Variants in TIMM44 observed in about 807,000 individuals in gnomAD.
TIMM44 encodes the protein mitochondrial import inner membrane translocase subunit TIM44.
TIMM44 carries 37 observed loss-of-function variants against 63.8 expected under a neutral mutation model. The observed-to-expected ratio is 0.58, with a 90% CI of 0.45 to 0.76. The LOEUF (loss-of-function observed/expected upper bound fraction) is 0.76, where lower values mean the gene tolerates loss of function less well. Among genes scored for constraint, TIMM44 ranks in the 30% least tolerant of loss-of-function variants. The pLI is 0.00. For missense variants in TIMM44, 573 were observed against 603.8 expected (o/e 0.95, Z 0.54); for synonymous variants, 239 against 245.1 (o/e 0.98, Z 0.23).
intron 2 of TIMM44, among the ~76,000 whole-genome samples, chr19:7,940,470 A>T (rs1195177575): frequency 2.6e-5 from 4 of 152,072 alleles, no homozygotes; most frequent in Non-Finnish European, 5.9e-5. Context: ...AAAGAGTCAC[A>T]GGTCCTGTCC....
At chr19:7,931,552 C>G (rs1419572307) in intron 9 of TIMM44, 1 of 331,960 alleles carries the variant, frequency 3.0e-6, no homozygotes, top group Non-Finnish European at 5.8e-6. Context: ...CTCCGGCTCC[C>G]GCAGTGAGCC....
rs376804397 is a variant in TIMM44, at chr19:7,932,898, G to A, written c.804C>T (p.Ser268=). 2.9e-4 allele frequency: 473 copies of A among 1,614,076 alleles called. No homozygotes were observed. The highest frequency in any genetic ancestry group is 3.9e-4 in the Non-Finnish European group (456 of 1,180,030). Residue 268 remains serine (S), a synonymous_variant, in exon 8 of 13, where the codon AGC becomes AGT. Transcript: ENST00000270538. ...FFEMKMKYDE[S]DNAFIRASRA... ...GGGATGCCCGGATGAACGCGTTGTC[G>A]CTTTCGTCATACTTCATCTTCATCT...
chr19:7,932,430 G>T, intron 9 of TIMM44, 197 bp downstream of exon 9: 1 of 681,354 alleles, frequency 1.5e-6, no homozygotes, highest in Non-Finnish European at 2.4e-6. Context: ...GGAGGTGCCG[G>T]TAAGGCCCAG....
rs1371785860 is a variant in TIMM44 at position 7,927,987 on chromosome 19, C to G, written c.1128+90G>C. 7 of 1,331,454 alleles carry G rather than the reference C, an allele frequency of 5.3e-6. No homozygotes were observed. The African/African-American group carries it at 7.3e-5, about 14-fold the overall frequency. 82.5% of individuals were successfully genotyped at this position (1,331,454 alleles called of 1,614,324 possible). ...ACCTCTTGGATCAGCCCATGGCCCC[C>G]AGCCCCTGGCAAGGCCACCTCCTGG... On this transcript the variant is annotated intron_variant, in intron 11 of 12. Transcript: ENST00000270538.
chr19:7,928,251 G>T, intron 10 of TIMM44, 85 bp from the exon 11 acceptor site: 1 of 1,189,732 alleles, frequency 8.4e-7, no homozygotes, highest in Non-Finnish European at 1.2e-6. Flanking sequence ...ACACCCTGGC[G>T]CCCAGGTGCC....
At position 7,931,448 on chromosome 19, in the gene TIMM44, G is replaced by A. The variant is rs1460099045; in HGVS notation, c.988-260C>T. 3 of 511,810 alleles carry A rather than the reference G, an allele frequency of 5.9e-6. No individual in the cohort carries two copies. In the East Asian group the frequency reaches 1.0e-4, roughly 17 times the overall value. 31.7% of individuals were successfully genotyped at this position (511,810 alleles called of 1,614,324 possible). On this transcript the variant is annotated intron_variant, in intron 9 of 12. Transcript: ENST00000270538. ...CCACCCAGGAGGCACCCCACAGGGGGACCCCCCTGGAACCTGGTGGAGGAA... is the reference window on the plus strand; with the variant it reads ...CCACCCAGGAGGCACCCCACAGGGGAACCCCCCTGGAACCTGGTGGAGGAA...
intron 1 of TIMM44, among the ~76,000 whole-genome samples, chr19:7,941,876 C>G (rs1449862234): frequency 1.3e-5 from 2 of 152,182 alleles, no homozygotes; most frequent in African/African-American, 4.8e-5. Flanking sequence ...GCGAGCCCAC[C>G]CCATTTCTGC....
rs200761354 is a variant in TIMM44, at chr19:7,932,615, T to C, written c.987+12A>G. 1.2e-6 allele frequency: 2 copies of C among 1,610,362 alleles called. No homozygotes were observed. The highest frequency in any genetic ancestry group is 8.5e-7 in the Non-Finnish European group (1 of 1,179,644). On this transcript the variant is annotated intron_variant, in intron 9 of 12. Transcript: ENST00000270538. ...TGCCGCCTGGGAGGGGTCCTGGGGG[T>C]GTGGCACCCACCTCCAGGACATTGG...
At chr19:7,930,768 GA>G (rs369941902) in intron 10 of TIMM44, among the ~76,000 whole-genome samples, 1 of 151,828 alleles carries the variant, frequency 6.6e-6, no homozygotes. Context: ...AGATTGGAGG[GA>G]AAAAAAAGGC....
chr19:7,936,739 G>A (rs544872350), intron 3 of TIMM44, among the ~76,000 whole-genome samples: 18 of 152,136 alleles, frequency 1.2e-4, no homozygotes, highest in African/African-American at 3.9e-4. Context: ...AAGCTGAGAC[G>A]GGCAGATCAC....
At chr19:7,932,543 G>C in intron 9 of TIMM44, 84 bp downstream of exon 9, 26 of 1,580,934 alleles carry the variant, frequency 1.6e-5, no homozygotes, top group Non-Finnish European at 2.2e-5. Flanking sequence ...TTCCCTGGCA[G>C]CACCCAGGGT....
At chr19:7,941,460 G>GT (rs1215684627) in intron 1 of TIMM44, among the ~76,000 whole-genome samples, 9 of 152,016 alleles carry the variant, frequency 5.9e-5, no homozygotes, top group African/African-American at 9.7e-5. Flanking sequence ...GCTAATATTT[G>GT]TATTTTTAGG....
rs1403758582 is a variant in TIMM44, at chr19:7,934,997, C to A, written c.393+68G>T. ...CACCCCCACCCAGGAGCCGACTCTTCCTCCAGCCTCCAGCGGCCAGGGGAC... is the reference window on the plus strand; with the variant it reads ...CACCCCCACCCAGGAGCCGACTCTTACTCCAGCCTCCAGCGGCCAGGGGAC... On this transcript the variant is annotated intron_variant, in intron 4 of 12. Transcript: ENST00000270538. This position sits in a 1 kb window ranked among gnomAD's most constrained non-coding sequence, Gnocchi z 5.3. 17 of 1,462,426 alleles carry A rather than the reference C, an allele frequency of 1.2e-5. No homozygotes were observed. The Admixed American group carries it at 3.2e-4, about 27-fold the overall frequency. 90.6% of individuals were successfully genotyped at this position (1,462,426 alleles called of 1,614,324 possible). A position where few individuals can be genotyped will look rare whatever the true frequency, so the allele number is the denominator to read the frequency against.
At chr19:7,941,019 C>G (rs973629168) in intron 2 of TIMM44, 83 bp downstream of exon 2, 6 of 1,128,000 alleles carry the variant, frequency 5.3e-6, no homozygotes, top group Non-Finnish European at 8.0e-6. Context: ...ACCTCTACAG[C>G]CCCACCCCTC....
intron 4 of TIMM44, 62 bp downstream of exon 4, chr19:7,935,003 G>A: frequency 6.7e-7 from 1 of 1,493,134 alleles, no homozygotes; most frequent in South Asian, 1.2e-5. Context: ...TCTTCCTCCA[G>A]CCTCCAGCGG....
Position 7,926,959 on chromosome 19 carries a change from C to G in TIMM44, c.*228G>C. 3.5e-6 allele frequency: 2 copies of G among 577,976 alleles called. No homozygotes were observed. Among genetic ancestry groups the G allele is most frequent in the East Asian group, 3.3e-5 (1 of 30,350 alleles). 35.8% of individuals were successfully genotyped at this position (577,976 alleles called of 1,614,324 possible). A position where few individuals can be genotyped will look rare whatever the true frequency, so the allele number is the denominator to read the frequency against. On this transcript the variant is annotated 3_prime_UTR_variant, in exon 13 of 13. Coordinates refer to ENST00000270538, the MANE Select transcript of TIMM44 (RefSeq NM_006351.4). ...ACCAGGCGCCGGGACCCCTGCAGGG[C>G]AGAGCAACAGGGCAGGGGTTGGCCC...
Position 7,941,099 on chromosome 19 carries a change from C to G in TIMM44, c.141+3G>C. The stretch of plus-strand genomic sequence containing the variant: ...GCTGGCCCGAGCATCCTGAGTCACT[C>G]ACCAGTGGCAGCTCTCCGCCCGGCC... On this transcript the variant is annotated splice_donor_region_variant and intron_variant, in intron 2 of 12. Transcript: ENST00000270538. The G allele has an allele frequency of 6.2e-7, 1 of 1,613,322 alleles. No homozygotes were observed. Among genetic ancestry groups the G allele is most frequent in the Non-Finnish European group, 8.5e-7 (1 of 1,179,424 alleles).
At chr19:7,939,566 T>C (rs1201854460) in intron 2 of TIMM44, among the ~76,000 whole-genome samples, 1 of 149,008 alleles carries the variant, frequency 6.7e-6, no homozygotes, top group Non-Finnish European at 1.5e-5. Context: ...TGAGCCAAGA[T>C]TGTGCCACTG....
intron 10 of TIMM44, chr19:7,928,923 C>CAAAAAAAAAAAAA (rs758167153): frequency 6.6e-4 from 46 of 70,040 alleles, no homozygotes; most frequent in Non-Finnish European, 7.5e-4. Context: ...AACAAAAAAC[C>CAAAAAAAAAAAAA]AAAAAAAAAA....
Sources: allele counts gnomAD v4.1 joint callset (sites outside exome capture counted in the v4.1 genomes callset), GRCh38; gene constraint gnomAD v4.1.1; non-coding constraint Gnocchi (gnomAD v3.1); transcripts MANE v1.5; gene names NCBI Gene and HGNC (gene_info 2026-07-23, HGNC 2026-07-21).